Variants in PTPRK observed in about 807,000 individuals in gnomAD.
The protein encoded by PTPRK is protein tyrosine phosphatase receptor type K, also known as receptor-type tyrosine-protein phosphatase kappa.
PTPRK carries 75 observed loss-of-function variants against 178.0 expected under a neutral mutation model. The observed-to-expected ratio is 0.42, with a 90% confidence interval of 0.35 to 0.51. The LOEUF (loss-of-function observed/expected upper bound fraction) is 0.51, where lower values mean the gene tolerates loss of function less well. Ranked by LOEUF, PTPRK falls within the 20% of genes least tolerant of loss-of-function variation. PTPRK has a pLI of 0.02. For synonymous variants in PTPRK, 637 were observed against 620.6 expected (o/e 1.03, Z -0.39); for missense variants, 1,441 against 1,797.8 (o/e 0.80, Z 3.59).
rs1353411372 is a variant in PTPRK, at chr6:128,164,288, T to C, written c.1162+20144A>G. On this transcript the variant is annotated intron_variant, in intron 7 of 29. Coordinates refer to ENST00000368226, the MANE Select transcript of PTPRK (RefSeq NM_002844.4). ...TTCAGAAGTATAGCTTAGCTCACTATAGAGAAAGCATGTCTACTATTCATG... is the reference window on the plus strand; with the variant it reads ...TTCAGAAGTATAGCTTAGCTCACTACAGAGAAAGCATGTCTACTATTCATG... Among the ~76,000 whole-genome samples, 13 of 151,426 alleles carry C rather than the reference T, an allele frequency of 8.6e-5. No individual in the cohort carries two copies. In the Admixed American group the frequency reaches 8.6e-4, roughly 10 times the overall value.
intron 3 of PTPRK, among the ~76,000 whole-genome samples, chr6:128,260,082 A>G (rs1449805843): frequency 2.0e-5 from 3 of 152,216 alleles, no homozygotes; most frequent in Non-Finnish European, 4.4e-5. Context: ...ATAAGTATTT[A>G]TCAAAATATA....
chr6:128,210,059 G>A (rs9388621), intron 6 of PTPRK, among the ~76,000 whole-genome samples: 12,860 of 152,132 alleles, frequency 0.085, 1,123 homozygotes, highest in East Asian at 0.34. Flanking sequence ...GAAGGTAAGC[G>A]TTCATGGAGG....
chr6:128,474,096 G>A (rs1250683501), intron 1 of PTPRK, among the ~76,000 whole-genome samples: 3 of 151,994 alleles, frequency 2.0e-5, no homozygotes, highest in African/African-American at 7.2e-5. Context: ...ATCACTGCCA[G>A]TGTTTTGCTA....
intron 1 of PTPRK, among the ~76,000 whole-genome samples, chr6:128,511,578 C>G (rs1857197294): frequency 6.6e-6 from 1 of 152,140 alleles, no homozygotes; most frequent in Non-Finnish European, 1.5e-5. Context: ...TAGAACTAAA[C>G]TAAGCAGGCA....
intron 2 of PTPRK, among the ~76,000 whole-genome samples, chr6:128,364,350 C>A (rs1265266663): frequency 6.6e-6 from 1 of 151,856 alleles, no homozygotes; most frequent in Non-Finnish European, 1.5e-5. Flanking sequence ...TTTATCTTGT[C>A]GTATTATGGG....
intron 3 of PTPRK, among the ~76,000 whole-genome samples, chr6:128,298,013 T>C (rs540526638): frequency 1.3e-5 from 2 of 151,986 alleles, no homozygotes; most frequent in African/African-American, 4.8e-5. Flanking sequence ...AGAAGAATCA[T>C]ATAGATGCAA....
At chr6:128,402,740 A>G (rs746250124) in intron 1 of PTPRK, among the ~76,000 whole-genome samples, 23 of 152,178 alleles carry the variant, frequency 1.5e-4, no homozygotes, top group Non-Finnish European at 2.8e-4. Flanking sequence ...TTGTTTTCCA[A>G]TTTAAGTACT....
intron 7 of PTPRK, among the ~76,000 whole-genome samples, chr6:128,143,778 A>G (rs955570781): frequency 6.6e-6 from 1 of 152,048 alleles, no homozygotes; most frequent in Non-Finnish European, 1.5e-5. Context: ...ACTCTCAGCT[A>G]TTTTTTCCCC....
At chr6:128,410,281 A>G (rs918530610) in intron 1 of PTPRK, among the ~76,000 whole-genome samples, 3 of 152,190 alleles carry the variant, frequency 2.0e-5, no homozygotes, top group African/African-American at 7.2e-5. Context: ...CTAGAAGGAA[A>G]TATGTGCACC....
chr6:128,253,920 A>G (rs1452056484), intron 3 of PTPRK, among the ~76,000 whole-genome samples: 1 of 152,228 alleles, frequency 6.6e-6, no homozygotes, highest in Non-Finnish European at 1.5e-5. Context: ...GAGATAAGAT[A>G]AATGGATGAG....
chr6:128,256,208 A>T (rs573629378), intron 3 of PTPRK, among the ~76,000 whole-genome samples: 3 of 152,176 alleles, frequency 2.0e-5, no homozygotes, highest in Non-Finnish European at 4.4e-5. Context: ...TTAGAACGCT[A>T]TGAGAGTTCA....
intron 9 of PTPRK, 34 bp downstream of exon 9, chr6:128,083,681 C>T: frequency 7.4e-7 from 1 of 1,352,624 alleles, no homozygotes; most frequent in East Asian, 2.5e-5. Flanking sequence ...TCCTTCAATC[C>T]ACATTTCAAT....
chr6:128,226,878 C>G (rs1346126435), intron 5 of PTPRK, among the ~76,000 whole-genome samples: 2 of 149,090 alleles, frequency 1.3e-5, no homozygotes, highest in African/African-American at 4.9e-5. Context: ...ATTTTAGGAC[C>G]AGAAGTGCTT....
chr6:128,363,491 T>A (rs949430670), intron 2 of PTPRK, among the ~76,000 whole-genome samples: 10 of 152,210 alleles, frequency 6.6e-5, no homozygotes, highest in African/African-American at 2.4e-4. Context: ...TTGACTTGAA[T>A]ACCTTTCAAA....
intron 13 of PTPRK, among the ~76,000 whole-genome samples, chr6:128,040,309 A>G (rs1260496282): frequency 2.0e-5 from 3 of 152,136 alleles, no homozygotes; most frequent in Non-Finnish European, 4.4e-5. Context: ...TTTTTTTTAA[A>G]TAAGAGTCAA....
At chr6:128,356,109 T>C (rs1833926137) in intron 2 of PTPRK, among the ~76,000 whole-genome samples, 1 of 152,158 alleles carries the variant, frequency 6.6e-6, no homozygotes, top group African/African-American at 2.4e-5. Context: ...CTAACCCTTC[T>C]CTCTATTTGC....
At chr6:128,254,809 G>T (rs2128290678) in intron 3 of PTPRK, among the ~76,000 whole-genome samples, 1 of 152,098 alleles carries the variant, frequency 6.6e-6, no homozygotes, top group South Asian at 2.1e-4. Flanking sequence ...TGACCTCTCT[G>T]GGTGTCCGAC....
At chr6:128,283,381 A>G (rs1821983994) in intron 3 of PTPRK, among the ~76,000 whole-genome samples, 2 of 152,236 alleles carry the variant, frequency 1.3e-5, no homozygotes, top group Non-Finnish European at 2.9e-5. Flanking sequence ...AAATACAATT[A>G]GTACATTTTT....
rs1206036847 is a variant in PTPRK at position 128,238,172 on chromosome 6, C to T, written c.693+1863G>A. ...AAGAGAAATACATAAATTCACCATT[C>T]TGTAGCAAACGCCAAAAAAAAAAAA... On this transcript the variant is annotated intron_variant, in intron 5 of 29. Coordinates refer to ENST00000368226, the MANE Select transcript of PTPRK (RefSeq NM_002844.4). The T allele has an allele frequency of 8.6e-5, 29 of 338,092 alleles. No individual in the cohort carries two copies. The Middle Eastern group carries it at 2.5e-3, about 30-fold the overall frequency. The allele number at this position is 338,092 out of a possible 1,614,324, so 20.9% of individuals were successfully genotyped here.
Sources: gnomAD v4.1 joint callset for allele counts (sites outside exome capture counted in the v4.1 genomes callset) on GRCh38, gnomAD v4.1.1 for gene constraint, MANE v1.5 for transcripts, NCBI Gene and HGNC (gene_info 2026-07-23, HGNC 2026-07-21) for gene names.